Variants in PCDHGB1 observed in about 807,000 individuals in gnomAD.
The protein encoded by PCDHGB1 is protocadherin gamma subfamily B, 1.
PCDHGB1 carries 34 observed loss-of-function variants against 56.6 expected under a neutral mutation model. That is an observed-to-expected ratio of 0.60 (90% CI 0.46 to 0.80). The LOEUF (loss-of-function observed/expected upper bound fraction) is 0.80. Among genes scored for constraint, PCDHGB1 ranks in the 30% least tolerant of loss-of-function variants. PCDHGB1 has a pLI of 0.00. For missense variants in PCDHGB1, 1,278 were observed against 1,204.6 expected, an observed-to-expected ratio of 1.06 and a Z score of -0.90; for synonymous variants, 561 against 505.9, an observed-to-expected ratio of 1.11 and a Z score of -1.46.
At position 141,485,680 on chromosome 5, in the gene PCDHGB1, C is replaced by A. The variant is rs1450674419; in HGVS notation, c.2410-9127C>A. The A allele has an allele frequency of 6.2e-7, 1 of 1,613,966 alleles. No individual in the cohort carries two copies. On this transcript the variant is annotated intron_variant, in intron 1 of 3. Transcript: ENST00000523390. The surrounding 1 kb of genome is among the most constrained non-coding windows in gnomAD (Gnocchi z 5.7). ...ATGTGGGGAGCAATTCGATTAGCAGCTATAGGCTGAGCTCCAATGAACACT... is the reference window on the plus strand; with the variant it reads ...ATGTGGGGAGCAATTCGATTAGCAGATATAGGCTGAGCTCCAATGAACACT...
intron 2 of PCDHGB1, among the ~76,000 whole-genome samples, chr5:141,500,892 G>GAT (rs1036007799): frequency 1.1e-5 from 1 of 88,010 alleles, no homozygotes; most frequent in African/African-American, 7.1e-5. Flanking sequence ...TTTTTTTTGA[G>GAT]ACAGTCTCGC....
intron 1 of PCDHGB1, chr5:141,362,629 G>A (rs1314036163): frequency 2.1e-5 from 32 of 1,492,692 alleles, no homozygotes; most frequent in Middle Eastern, 1.9e-4. Context: ...GTTCCACTGC[G>A]TATTTCTTTG....
rs1265360670 is a variant in PCDHGB1, at chr5:141,435,001, T to A, written c.2410-59806T>A. On this transcript the variant is annotated intron_variant, in intron 1 of 3. Transcript: ENST00000523390. ...TACTCTATATCATTTTCTAGCTGAATTTATCAATGATAATGCTCTTTTCCC... is the reference window on the plus strand; with the variant it reads ...TACTCTATATCATTTTCTAGCTGAAATTATCAATGATAATGCTCTTTTCCC... Among the ~76,000 whole-genome samples the A allele has an allele frequency of 3.9e-5, 6 of 152,120 alleles. No homozygotes were observed. In the East Asian group the frequency reaches 1.2e-3, roughly 29 times the overall value.
At chr5:141,410,340 T>G in intron 1 of PCDHGB1, 1 of 1,614,068 alleles carries the variant, frequency 6.2e-7, no homozygotes, top group Non-Finnish European at 8.5e-7. Flanking sequence ...GCCATTGCCT[T>G]GCGCCTGCGA....
At chr5:141,505,827 TCA>T (rs1197972266) in intron 3 of PCDHGB1, among the ~76,000 whole-genome samples, 4 of 152,072 alleles carry the variant, frequency 2.6e-5, no homozygotes, top group South Asian at 4.1e-4. Context: ...TCTCTAAACC[TCA>T]GTTTCCTCAG....
intron 1 of PCDHGB1, chr5:141,389,158 G>C (rs774342496): frequency 5.6e-6 from 9 of 1,613,968 alleles, no homozygotes; most frequent in Non-Finnish European, 7.6e-6. Context: ...GCAACAGATC[G>C]GGGCAAGCCT....
At chr5:141,480,298 C>G (rs1238380283) in intron 1 of PCDHGB1, among the ~76,000 whole-genome samples, 1 of 132,676 alleles carries the variant, frequency 7.5e-6, no homozygotes, top group Non-Finnish European at 1.6e-5. Flanking sequence ...ACCTGTGGTA[C>G]CAGCTACTTG....
At position 141,431,368 on chromosome 5, in the gene PCDHGB1, A is replaced by G; in HGVS notation, c.2410-63439A>G. On this transcript the variant is annotated intron_variant, in intron 1 of 3. Coordinates refer to ENST00000523390, the MANE Select transcript of PCDHGB1 (RefSeq NM_018922.3). The surrounding 1 kb of genome is among the most constrained non-coding windows in gnomAD (Gnocchi z 4.8). ...TGCTGAAACGCGCCCTGGACCGCGA[A>G]GAAAAGGCTGCTCACCACCTGGTCC... 1.9e-6 allele frequency: 3 copies of G among 1,614,002 alleles called. No individual in the cohort carries two copies. The highest frequency in any genetic ancestry group is 2.5e-6 in the Non-Finnish European group (3 of 1,180,034).
chr5:141,354,806 A>G (rs1328631738), intron 1 of PCDHGB1, among the ~76,000 whole-genome samples: 3 of 152,246 alleles, frequency 2.0e-5, no homozygotes, highest in African/African-American at 7.2e-5. Flanking sequence ...AAATAACTTC[A>G]TAAAGTTTAT....
At chr5:141,394,384 A>G (rs1379369009) in intron 1 of PCDHGB1, 2 of 1,614,114 alleles carry the variant, frequency 1.2e-6, no homozygotes, top group African/African-American at 2.7e-5. Flanking sequence ...GACTATGAGC[A>G]GATCCGAGAC....
intron 1 of PCDHGB1, chr5:141,366,943 A>G (rs1481461689): frequency 3.9e-6 from 3 of 775,624 alleles, no homozygotes; most frequent in Non-Finnish European, 5.9e-6. Context: ...AGTCTAGCTG[A>G]TATCTGTAGA....
Position 141,352,190 on chromosome 5 carries a change from G to C in PCDHGB1, c.1930G>C (p.Asp644His), listed in dbSNP as rs777164799. 2.5e-6 allele frequency: 4 copies of C among 1,613,754 alleles called. No individual in the cohort carries two copies. Among genetic ancestry groups the C allele is most frequent in the Non-Finnish European group, 3.4e-6 (4 of 1,179,894 alleles). Reference sequence around the variant, plus strand: ...CCAGCGCCTGCTGGTCGCTGTGCGTGATGGAGGACAGCCGCCACTCTCCGC... The same window carrying C: ...CCAGCGCCTGCTGGTCGCTGTGCGTCATGGAGGACAGCCGCCACTCTCCGC... ...ARQRLLVAVR[D>H]GGQPPLSATA... is the part of the protein sequence containing the mutation. The change falls in exon 1 of 4, where the codon GAT (aspartate) becomes CAT (histidine). Residue 644 changes from aspartate (D) to histidine (H), a missense_variant. Physicochemically the swap from Asp to His is moderately conservative, Grantham distance 81 (BLOSUM62 -1). Coordinates refer to ENST00000523390, the MANE Select transcript of PCDHGB1 (RefSeq NM_018922.3).
chr5:141,359,161 A>T (rs1761134952), intron 1 of PCDHGB1, among the ~76,000 whole-genome samples: 1 of 152,204 alleles, frequency 6.6e-6, no homozygotes. Flanking sequence ...TGATGCAGTT[A>T]CCTGGCTTGG....
chr5:141,415,651 A>C, intron 1 of PCDHGB1: 1 of 1,595,106 alleles, frequency 6.3e-7, no homozygotes. Context: ...TAAAAAAAAA[A>C]AGATTGGTTT....
chr5:141,391,875 T>C (rs2092433581), intron 1 of PCDHGB1: 2 of 152,212 alleles, frequency 1.3e-5, no homozygotes, highest in Non-Finnish European at 2.9e-5. Context: ...ATCATCTCTT[T>C]GGTGAAAGGG....
intron 1 of PCDHGB1, among the ~76,000 whole-genome samples, chr5:141,484,023 G>A (rs67828357): frequency 0.059 from 8,857 of 150,044 alleles, 313 homozygotes; most frequent in South Asian, 0.11. Context: ...GGTGGGGTGA[G>A]ATCAAGTCTC....
rs1048081343 is a variant in PCDHGB1 at position 141,432,618 on chromosome 5, G to C, written c.2410-62189G>C. 6.2e-7 allele frequency: 1 copy of C among 1,612,806 alleles called. No individual in the cohort carries two copies. Among genetic ancestry groups the C allele is most frequent in the South Asian group, 1.1e-5 (1 of 90,950 alleles). ...AGCGAGCCGGGACTCTTCTCGGTGG[G>C]TCTGCACACGGGCGAGGTGCGCACG... On this transcript the variant is annotated intron_variant, in intron 1 of 3. Transcript: ENST00000523390. The surrounding 1 kb of genome is among the most constrained non-coding windows in gnomAD (Gnocchi z 6.0).
intron 1 of PCDHGB1, chr5:141,414,141 A>T (rs1162904324): frequency 1.3e-6 from 2 of 1,597,216 alleles, no homozygotes; most frequent in East Asian, 2.3e-5. Context: ...ATGAAATAGA[A>T]ATACAAGCAG....
At chr5:141,362,257 A>C (rs1199610495) in intron 1 of PCDHGB1, 5 of 1,613,784 alleles carry the variant, frequency 3.1e-6, no homozygotes. Context: ...CCTCGCGGTG[A>C]TTCTGGCAAT....
Sources: gnomAD v4.1 joint callset for allele counts (sites outside exome capture counted in the v4.1 genomes callset) on GRCh38, gnomAD v4.1.1 for gene constraint, Gnocchi (gnomAD v3.1) non-coding constraint, MANE v1.5 for transcripts, NCBI Gene and HGNC (gene_info 2026-07-23, HGNC 2026-07-21) for gene names.